The following USP49 variants were observed in gnomAD, a reference collection of about 807,000 sequenced individuals.
USP49 encodes ubiquitin carboxyl-terminal hydrolase 49.
A neutral mutation model predicts 58.6 loss-of-function variants in USP49; 24 were observed. The ratio of observed to expected loss-of-function variants is 0.41; its 90% CI spans 0.30 to 0.58. The LOEUF (loss-of-function observed/expected upper bound fraction) is 0.58. USP49 is among the 20% of genes least tolerant of loss of function. USP49 has a pLI of 0.30. For synonymous variants in USP49, 408 were observed against 365.1 expected (o/e 1.12, Z -1.34); for missense variants, 703 against 866.1 (o/e 0.81, Z 2.36).
intron 3 of USP49, among the ~76,000 whole-genome samples, chr6:41,847,345 T>C (rs1002767208): frequency 1.3e-5 from 2 of 151,974 alleles, no homozygotes. Flanking sequence ...CAAACAGAAA[T>C]TCTGGACCTT....
chr6:41,818,470 G>A (rs1169712685), intron 3 of USP49, among the ~76,000 whole-genome samples: 46 of 152,176 alleles, frequency 3.0e-4, no homozygotes, highest in Admixed American at 3.0e-3. Flanking sequence ...AAGCTTCAGA[G>A]CTTAGTAGTT....
chr6:41,800,374 G>A (rs546942580), intron 5 of USP49, among the ~76,000 whole-genome samples: 2 of 152,270 alleles, frequency 1.3e-5, no homozygotes, highest in East Asian at 3.9e-4. Context: ...CTTCAGACTT[G>A]TTTTATGTAA....
chr6:41,863,502 G>A (rs370666871), intron 3 of USP49, among the ~76,000 whole-genome samples: 14 of 152,088 alleles, frequency 9.2e-5, no homozygotes, highest in Admixed American at 6.6e-5. Flanking sequence ...ATTATCACGG[G>A]TATTAAACAA....
At chr6:41,810,896 A>C (rs1289765408) in intron 3 of USP49, among the ~76,000 whole-genome samples, 1 of 152,004 alleles carries the variant, frequency 6.6e-6, no homozygotes, top group Non-Finnish European at 1.5e-5. Context: ...TTTCACCTCC[A>C]TTTATTCTCT....
intron 3 of USP49, among the ~76,000 whole-genome samples, chr6:41,810,821 A>C (rs1773245232): frequency 6.6e-6 from 1 of 152,030 alleles, no homozygotes; most frequent in African/African-American, 2.4e-5. Flanking sequence ...AGCCTCCCAA[A>C]GTGCTGGGAT....
intron 3 of USP49, among the ~76,000 whole-genome samples, chr6:41,850,071 G>C (rs1773997471): frequency 6.6e-6 from 1 of 152,140 alleles, no homozygotes; most frequent in Non-Finnish European, 1.5e-5. Flanking sequence ...AAATAAAAAT[G>C]AAAATGTATC....
Position 41,793,355 on chromosome 6 carries a change from G to A in USP49, c.*3178C>T, listed in dbSNP as rs1772832157. The A allele has an allele frequency of 1.3e-5, 2 of 152,444 alleles. No individual in the cohort carries two copies. Among genetic ancestry groups the A allele is most frequent in the Non-Finnish European group, 2.9e-5 (2 of 68,392 alleles). 9.4% of individuals were successfully genotyped at this position (152,444 alleles called of 1,614,324 possible). On this transcript the variant is annotated 3_prime_UTR_variant, in exon 8 of 8. Coordinates refer to ENST00000682992, the MANE Select transcript of USP49 (RefSeq NM_001286554.2). ...GGCTCACTGCCCCTTCTGCCTCCTGGGTTCCAGCGATTCTCCTGCCTCAGC... is the reference window on the plus strand; with the variant it reads ...GGCTCACTGCCCCTTCTGCCTCCTGAGTTCCAGCGATTCTCCTGCCTCAGC...
intron 3 of USP49, among the ~76,000 whole-genome samples, chr6:41,870,240 T>G (rs1774390982): frequency 6.6e-6 from 1 of 152,214 alleles, no homozygotes; most frequent in Admixed American, 6.5e-5. Flanking sequence ...AGATAGCATT[T>G]TATTGTCCTC....
rs147355856 is a variant in USP49, at chr6:41,830,817, C to T, written c.-28-23806G>A. ...CAGCCTGGGCAACAGAGCAAGACTC[C>T]GTCTCAAGAGAAAAAAAAAAAATTT... is the stretch of plus-strand genomic sequence containing the variant. On this transcript the variant is annotated intron_variant, in intron 3 of 7. Coordinates refer to ENST00000682992, the MANE Select transcript of USP49 (RefSeq NM_001286554.2). Among the ~76,000 whole-genome samples the T allele has an allele frequency of 7.3e-3, 1,109 of 151,570 alleles. 45 individuals are homozygous for T. In the East Asian group the frequency reaches 0.13, roughly 17 times the overall value.
chr6:41,864,628 A>C (rs2127356325), intron 3 of USP49, among the ~76,000 whole-genome samples: 1 of 152,332 alleles, frequency 6.6e-6, no homozygotes, highest in African/African-American at 2.4e-5. Flanking sequence ...ATGCCACCCA[A>C]TTAAAAAAAA....
chr6:41,844,317 CTTTT>C (rs796794722), intron 3 of USP49, among the ~76,000 whole-genome samples: 1 of 147,696 alleles, frequency 6.8e-6, no homozygotes, highest in Non-Finnish European at 1.5e-5. Context: ...CAGTTTCTTT[CTTTT>C]TTTTTTTCTT....
At chr6:41,885,891 T>C (rs1277770221) in intron 2 of USP49, among the ~76,000 whole-genome samples, 1 of 152,234 alleles carries the variant, frequency 6.6e-6, no homozygotes, top group Non-Finnish European at 1.5e-5. Flanking sequence ...ATTTTCAGCA[T>C]GGAGCAGACA....
At chr6:41,814,758 G>A (rs1465553219) in intron 3 of USP49, among the ~76,000 whole-genome samples, 2 of 152,128 alleles carry the variant, frequency 1.3e-5, no homozygotes, top group Non-Finnish European at 2.9e-5. Context: ...GCTTGGTCTT[G>A]GTGAGACCAA....
chr6:41,836,737 C>T (rs77732402), intron 3 of USP49, among the ~76,000 whole-genome samples: 8,525 of 152,186 alleles, frequency 0.056, 421 homozygotes, highest in Admixed American at 0.12. Flanking sequence ...TAAACAACTT[C>T]AGTAAAGTTT....
At chr6:41,828,613 T>C (rs534859767) in intron 3 of USP49, among the ~76,000 whole-genome samples, 5 of 152,354 alleles carry the variant, frequency 3.3e-5, no homozygotes, top group Non-Finnish European at 7.4e-5. Context: ...TCTTTATATA[T>C]TCTGAATACA....
chr6:41,884,901 T>G (rs1774682009), intron 2 of USP49, among the ~76,000 whole-genome samples: 1 of 152,196 alleles, frequency 6.6e-6, no homozygotes, highest in African/African-American at 2.4e-5. Flanking sequence ...CAAATGGAAA[T>G]GTACCTTGAA....
At chr6:41,797,117 C>T (rs1221173244) in intron 7 of USP49, among the ~76,000 whole-genome samples, 2 of 152,060 alleles carry the variant, frequency 1.3e-5, no homozygotes, top group Non-Finnish European at 1.5e-5. Context: ...CCCACCACCA[C>T]GCCCGGCTAA....
intron 3 of USP49, among the ~76,000 whole-genome samples, chr6:41,835,721 G>A (rs2245685): frequency 0.99 from 147,339 of 148,538 alleles, 73,089 homozygotes; most frequent in East Asian, 1. Flanking sequence ...AAAAAAAACA[G>A]AAAAAAAAAC....
rs1461298715 is a variant in USP49 at position 41,805,697 on chromosome 6, G to A, written c.1287C>T (p.Ser429=). 1 of 1,614,146 alleles carries A rather than the reference G, an allele frequency of 6.2e-7. No homozygotes were observed. The highest frequency in any genetic ancestry group is 1.1e-5 in the South Asian group (1 of 91,084). ...GTTRRILIPF[S]QRKLTKQVLK... ...AGACCTGTTTGGTGAGCTTCCTCTG[G>A]GAGAAGGGGATGAGGATCCGGCGTG... The change falls in exon 4 of 8, where the codon TCC becomes TCT. Residue 429 remains serine, a synonymous_variant. Coordinates refer to ENST00000682992, the MANE Select transcript of USP49 (RefSeq NM_001286554.2).
Sources: allele counts gnomAD v4.1 joint callset (sites outside exome capture counted in the v4.1 genomes callset), GRCh38; gene constraint gnomAD v4.1.1; transcripts MANE v1.5; gene names NCBI Gene and HGNC (gene_info 2026-07-23, HGNC 2026-07-21).